The following PTPRD variants were observed in gnomAD, a reference collection of about 807,000 sequenced individuals.
The protein encoded by PTPRD is protein tyrosine phosphatase receptor type D.
Under a neutral mutation model 214.5 loss-of-function variants are expected in PTPRD, and 34 were observed. The observed-to-expected ratio is 0.16, with a 90% CI of 0.12 to 0.21. The LOEUF is 0.21. PTPRD is among the 10% of genes least tolerant of loss of function. PTPRD has a pLI of 1.00. For missense variants in PTPRD, 2,545 were observed against 2,398.7 expected (o/e 1.06, Z -1.27); for synonymous variants, 1,128 against 845.7 (o/e 1.33, Z -5.79).
chr9:9,208,331 T>A (rs544829144), intron 9 of PTPRD, among the ~76,000 whole-genome samples: 47 of 151,924 alleles, frequency 3.1e-4, no homozygotes, highest in African/African-American at 1.0e-3. Flanking sequence ...TGTATTTTTT[T>A]AAAAAACACC....
intron 11 of PTPRD, among the ~76,000 whole-genome samples, chr9:8,818,665 G>C (rs553002855): frequency 6.6e-6 from 1 of 152,316 alleles, no homozygotes; most frequent in Admixed American, 6.5e-5. Context: ...ATATTCATTT[G>C]CCTAAGAACA....
chr9:10,451,158 T>C (rs2098839087), intron 2 of PTPRD, among the ~76,000 whole-genome samples: 1 of 151,952 alleles, frequency 6.6e-6, no homozygotes, highest in East Asian at 1.9e-4. Flanking sequence ...ACTACACAGT[T>C]TAAAACACCT....
At chr9:8,862,469 T>G (rs1195142593) in intron 11 of PTPRD, among the ~76,000 whole-genome samples, 1 of 152,220 alleles carries the variant, frequency 6.6e-6, no homozygotes, top group Non-Finnish European at 1.5e-5. Flanking sequence ...TGTAGTTCTA[T>G]GGATTCTACC....
At chr9:9,874,224 G>C (rs1792506294) in intron 5 of PTPRD, among the ~76,000 whole-genome samples, 3 of 152,138 alleles carry the variant, frequency 2.0e-5, no homozygotes, top group South Asian at 4.1e-4. Flanking sequence ...GGAGGCCGAA[G>C]ACGAGAGAGA....
At chr9:9,625,774 A>C (rs1178269594) in intron 7 of PTPRD, among the ~76,000 whole-genome samples, 1 of 152,144 alleles carries the variant, frequency 6.6e-6, no homozygotes, top group Non-Finnish European at 1.5e-5. Flanking sequence ...TTTTATCCGA[A>C]CGGCCAGCAA....
chr9:10,512,862 C>T (rs1202069338), intron 2 of PTPRD, among the ~76,000 whole-genome samples: 1 of 151,546 alleles, frequency 6.6e-6, no homozygotes, highest in Non-Finnish European at 1.5e-5. Context: ...TTTTATTGCA[C>T]TGGAGTTGAA....
chr9:8,544,642 G>A (rs960161213), intron 14 of PTPRD, among the ~76,000 whole-genome samples: 1 of 150,854 alleles, frequency 6.6e-6, no homozygotes, highest in Non-Finnish European at 1.5e-5. Flanking sequence ...GCTAATTTTT[G>A]TATTTTTAGT....
At chr9:8,373,913 T>TCTATCTATCTACCTAC (rs373840784) in intron 39 of PTPRD, among the ~76,000 whole-genome samples, 22 of 78,498 alleles carry the variant, frequency 2.8e-4, no homozygotes, top group Non-Finnish European at 4.8e-4. Context: ...TATCTATCTA[T>TCTATCTATCTACCTAC]CTACCTACCT....
chr9:9,719,827 G>A (rs2097904088), intron 7 of PTPRD, among the ~76,000 whole-genome samples: 1 of 152,134 alleles, frequency 6.6e-6, no homozygotes, highest in Non-Finnish European at 1.5e-5. Flanking sequence ...CCGGACATTG[G>A]TCCTACAGTA....
In PTPRD at chr9:8,697,413, T is replaced by G. The variant is rs1456591229; in HGVS notation, c.64+36367A>C. 1.4e-5 allele frequency among the ~76,000 whole-genome samples: 2 copies of G among 144,610 alleles called. 1 individual carries two copies. The highest frequency in any genetic ancestry group is 4.3e-4 in the South Asian group (2 of 4,608). The allele number at this position is 144,610 out of a possible 152,430, so 94.9% of individuals were successfully genotyped here. On this transcript the variant is annotated intron_variant, in intron 12 of 45. Transcript: ENST00000381196. ...ATTTTTTATTATTTATTTATTTTTA[T>G]GTACTTTTTTTTTTTTTTTTTTTTT...
chr9:9,462,517 A>T (rs1257016894), intron 8 of PTPRD, among the ~76,000 whole-genome samples: 2 of 152,190 alleles, frequency 1.3e-5, no homozygotes, highest in Non-Finnish European at 2.9e-5. Context: ...AGATAAGTTA[A>T]ATCAGATTTT....
intron 5 of PTPRD, among the ~76,000 whole-genome samples, chr9:9,881,081 G>C (rs1165301328): frequency 6.6e-6 from 1 of 152,092 alleles, no homozygotes; most frequent in Non-Finnish European, 1.5e-5. Flanking sequence ...CATTTTGGAA[G>C]GGTATATTCT....
chr9:8,645,511 C>G (rs1190939340), intron 12 of PTPRD, among the ~76,000 whole-genome samples: 1 of 152,180 alleles, frequency 6.6e-6, no homozygotes, highest in African/African-American at 2.4e-5. Flanking sequence ...ATTTAGGCCT[C>G]AACTCTCAAT....
chr9:8,940,808 C>T (rs1444706517), intron 11 of PTPRD, among the ~76,000 whole-genome samples: 1 of 137,684 alleles, frequency 7.3e-6, no homozygotes, highest in Non-Finnish European at 1.5e-5. Flanking sequence ...CTTCTCAAAA[C>T]TACCATTGCA....
At chr9:10,037,668 A>T (rs73390239) in intron 3 of PTPRD, among the ~76,000 whole-genome samples, 3,696 of 151,860 alleles carry the variant, frequency 0.024, 165 homozygotes, top group African/African-American at 0.084. Flanking sequence ...CAAGTTCTCC[A>T]TGGGAATTGA....
chr9:10,317,452 AT>A (rs2096463258), intron 3 of PTPRD, among the ~76,000 whole-genome samples: 1 of 151,918 alleles, frequency 6.6e-6, no homozygotes, highest in South Asian at 2.1e-4. Context: ...GAATACTTAT[AT>A]GGAGCAAAAA....
At chr9:8,483,803 AAAACAAAC>A (rs202069221) in intron 30 of PTPRD, among the ~76,000 whole-genome samples, 20 of 87,286 alleles carry the variant, frequency 2.3e-4, no homozygotes, top group South Asian at 6.0e-4. Flanking sequence ...AACAAAAACA[AAAACAAAC>A]AAACAAACAA....
At chr9:9,951,488 G>A (rs79211671) in intron 4 of PTPRD, among the ~76,000 whole-genome samples, 6 of 152,240 alleles carry the variant, frequency 3.9e-5, no homozygotes, top group Non-Finnish European at 7.4e-5. Flanking sequence ...ACACTTGAGC[G>A]GATAAGCATT....
At chr9:10,044,707 C>G (rs2097358152) in intron 3 of PTPRD, among the ~76,000 whole-genome samples, 1 of 151,656 alleles carries the variant, frequency 6.6e-6, no homozygotes, top group African/African-American at 2.4e-5. Flanking sequence ...CTGAAGTTTT[C>G]AGAGAGAGTA....
Sources: allele counts gnomAD v4.1 joint callset (sites outside exome capture counted in the v4.1 genomes callset), GRCh38; gene constraint gnomAD v4.1.1; transcripts MANE v1.5; gene names NCBI Gene and HGNC (gene_info 2026-07-23, HGNC 2026-07-21).